Variants in CCDC178 observed in about 807,000 individuals in gnomAD.
The protein encoded by CCDC178 is coiled-coil domain-containing protein 178.
CCDC178 carries 126 observed loss-of-function variants against 117.4 expected under a neutral mutation model. That is an observed-to-expected ratio of 1.07 (90% CI 0.93 to 1.24). The LOEUF (loss-of-function observed/expected upper bound fraction) is 1.24, where lower values mean the gene tolerates loss of function less well. Among genes scored for constraint, CCDC178 ranks in the 50% most tolerant of loss-of-function variants. CCDC178 has a pLI of 0.00. For synonymous variants in CCDC178, 283 were observed against 313.4 expected (o/e 0.90, Z 1.02); for missense variants, 1,030 against 986.9 (o/e 1.04, Z -0.59).
intron 20 of CCDC178, among the ~76,000 whole-genome samples, chr18:33,155,409 A>G (rs1244857404): frequency 6.6e-6 from 1 of 152,150 alleles, no homozygotes; most frequent in Non-Finnish European, 1.5e-5. Context: ...TAGGAGAAAC[A>G]AGGTTTAAAA....
At chr18:33,062,488 A>G (rs2056940167) in intron 21 of CCDC178, among the ~76,000 whole-genome samples, 1 of 152,214 alleles carries the variant, frequency 6.6e-6, no homozygotes, top group African/African-American at 2.4e-5. Flanking sequence ...TCTGAGGCAC[A>G]GATGGAGAGG....
rs1374842030 is a variant in CCDC178, at chr18:33,326,949, CA to C, written c.880-3317del. On this transcript the variant is annotated intron_variant, in intron 10 of 22. Transcript: ENST00000383096. ...TAATGCAGCAGCATTTACTAAAGCC[CA>C]AGCACACTGGCTAGGGGTTTTGAAT... 7.2e-5 allele frequency among the ~76,000 whole-genome samples: 11 copies of C among 152,210 alleles called. No individual in the cohort carries two copies. In the East Asian group the frequency reaches 2.1e-3, roughly 29 times the overall value.
chr18:32,958,229 AC>A (rs2054633908), intron 22 of CCDC178: 1 of 566,308 alleles, frequency 1.8e-6, no homozygotes, highest in African/African-American at 1.9e-5. Flanking sequence ...GTTCTGTAAA[AC>A]AAAAACATAG....
chr18:33,028,238 C>T (rs1026712080), intron 21 of CCDC178, among the ~76,000 whole-genome samples: 3 of 151,546 alleles, frequency 2.0e-5, no homozygotes, highest in Non-Finnish European at 3.0e-5. Context: ...ACAAAATAGG[C>T]AACTTGTCAA....
At chr18:33,289,142 G>T (rs1411920904) in intron 12 of CCDC178, among the ~76,000 whole-genome samples, 3 of 151,900 alleles carry the variant, frequency 2.0e-5, no homozygotes, top group Non-Finnish European at 4.4e-5. Context: ...TCTATTTCTG[G>T]ATCCTTCTCT....
At chr18:32,978,807 C>A (rs553824279) in intron 21 of CCDC178, among the ~76,000 whole-genome samples, 2 of 152,064 alleles carry the variant, frequency 1.3e-5, no homozygotes, top group Non-Finnish European at 2.9e-5. Flanking sequence ...GAGGTCCAGG[C>A]GGGTGGATCA....
At chr18:32,968,242 G>T (rs1411884608) in intron 22 of CCDC178, among the ~76,000 whole-genome samples, 1 of 151,828 alleles carries the variant, frequency 6.6e-6, no homozygotes, top group Non-Finnish European at 1.5e-5. Flanking sequence ...GAGATTATGT[G>T]GTTATTTCAC....
chr18:33,416,516 C>T (rs1198924017), intron 2 of CCDC178, among the ~76,000 whole-genome samples: 2 of 151,994 alleles, frequency 1.3e-5, no homozygotes, highest in African/African-American at 2.4e-5. Flanking sequence ...AATGAGGACC[C>T]CAAATTTCCT....
chr18:33,047,750 C>T (rs1410479861), intron 21 of CCDC178, among the ~76,000 whole-genome samples: 1 of 152,204 alleles, frequency 6.6e-6, no homozygotes, highest in East Asian at 1.9e-4. Flanking sequence ...ACAGTGAAGC[C>T]CTAATGCTAA....
intron 20 of CCDC178, among the ~76,000 whole-genome samples, chr18:33,118,564 C>G (rs1290990133): frequency 2.0e-5 from 3 of 152,104 alleles, no homozygotes; most frequent in African/African-American, 7.2e-5. Flanking sequence ...AATGGAAGAA[C>G]ATGCCATGCT....
At position 32,958,421 on chromosome 18, in the gene CCDC178, T is replaced by C. The variant is rs182031521; in HGVS notation, c.2523+16126A>G. On this transcript the variant is annotated intron_variant, in intron 22 of 22. Transcript: ENST00000383096. Reference sequence around the variant, plus strand: ...TGTCTTTAAATAAGATAATCTGCTTTGTAACCATGGTTAGCATTCCAATAG... The same window carrying C: ...TGTCTTTAAATAAGATAATCTGCTTCGTAACCATGGTTAGCATTCCAATAG... Among the ~76,000 whole-genome samples, 8 of 152,328 alleles carry C rather than the reference T, an allele frequency of 5.3e-5. No individual in the cohort carries two copies. In the East Asian group the frequency reaches 1.5e-3, roughly 29 times the overall value.
chr18:33,202,974 G>T (rs942506218), intron 20 of CCDC178, among the ~76,000 whole-genome samples: 3 of 152,126 alleles, frequency 2.0e-5, no homozygotes, highest in African/African-American at 7.2e-5. Context: ...TTGAATAGTA[G>T]TAGATCATAG....
chr18:33,329,757 C>A (rs1266731434), intron 10 of CCDC178, among the ~76,000 whole-genome samples: 1 of 151,844 alleles, frequency 6.6e-6, no homozygotes, highest in Non-Finnish European at 1.5e-5. Flanking sequence ...AATTTACTTC[C>A]TTGTGATATA....
At chr18:33,095,338 G>A (rs1402860191) in intron 20 of CCDC178, among the ~76,000 whole-genome samples, 2 of 151,906 alleles carry the variant, frequency 1.3e-5, no homozygotes, top group Non-Finnish European at 2.9e-5. Flanking sequence ...TTTCCATATT[G>A]TCTAGAGTTT....
intron 17 of CCDC178, among the ~76,000 whole-genome samples, 199 bp from the exon 18 acceptor site, chr18:33,223,418 A>C (rs1252578867): frequency 1.3e-5 from 2 of 152,176 alleles, no homozygotes; most frequent in African/African-American, 4.8e-5. Context: ...TATGTGAGAA[A>C]GCCAAAATCT....
intron 22 of CCDC178, among the ~76,000 whole-genome samples, chr18:32,947,012 C>T (rs951336299): frequency 1.3e-5 from 2 of 151,858 alleles, no homozygotes; most frequent in African/African-American, 4.8e-5. Flanking sequence ...GATCTCCTGA[C>T]CTCGTGATCC....
Position 33,223,143 on chromosome 18 carries a change from T to G in CCDC178, c.1895A>C (p.Lys632Thr), listed in dbSNP as rs1469925182. The change falls in exon 18 of 23, where the codon AAG (lysine) becomes ACG (threonine). Residue 632 changes from lysine to threonine, a missense_variant. Physicochemically the swap from Lys to Thr is moderately conservative, Grantham distance 78 (BLOSUM62 -1). Coordinates refer to ENST00000383096, the MANE Select transcript of CCDC178 (RefSeq NM_001105528.4). ...VGKVKKKLRK[K>T]GKKTLDALIE... Reference sequence around the variant, plus strand: ...TAATGCATCAAGGGTTTTCTTCCCCTTTTTTCGTAATTTTTTCTTTACTTT... The same window carrying G: ...TAATGCATCAAGGGTTTTCTTCCCCGTTTTTCGTAATTTTTTCTTTACTTT... 1.2e-6 allele frequency: 2 copies of G among 1,604,240 alleles called. No individual in the cohort carries two copies. The highest frequency in any genetic ancestry group is 1.1e-5 in the South Asian group (1 of 90,194).
intron 9 of CCDC178, among the ~76,000 whole-genome samples, chr18:33,341,395 A>G (rs552414105): frequency 1.3e-5 from 2 of 152,274 alleles, no homozygotes; most frequent in African/African-American, 4.8e-5. Flanking sequence ...TTTTGGGTTA[A>G]TGCTGAAATG....
chr18:33,118,881 C>T (rs1364312748), intron 20 of CCDC178, among the ~76,000 whole-genome samples: 1 of 151,552 alleles, frequency 6.6e-6, no homozygotes, highest in Non-Finnish European at 1.5e-5. Context: ...CTCAGAAATA[C>T]CACACATCTA....
Sources: gnomAD v4.1 joint callset for allele counts (sites outside exome capture counted in the v4.1 genomes callset) on GRCh38, gnomAD v4.1.1 for gene constraint, MANE v1.5 for transcripts, NCBI Gene and HGNC (gene_info 2026-07-23, HGNC 2026-07-21) for gene names.